Variants in AKT3 observed in about 807,000 individuals in gnomAD.
AKT3 encodes the protein RAC-gamma serine/threonine-protein kinase.
In AKT3, 15 loss-of-function variants were observed where a neutral mutation model predicts 65.3. That is an observed-to-expected ratio of 0.23 (90% confidence interval 0.15 to 0.35). The LOEUF is 0.35. Ranked by LOEUF, AKT3 falls within the 10% of genes least tolerant of loss-of-function variation. AKT3 has a pLI of 1.00. For synonymous variants in AKT3, 206 were observed against 183.8 expected (o/e 1.12, Z -0.98); for missense variants, 243 against 576.5 (o/e 0.42, Z 5.92).
chr1:243,658,016 A>C (rs1681952045), intron 4 of AKT3, among the ~76,000 whole-genome samples: 1 of 152,160 alleles, frequency 6.6e-6, no homozygotes, highest in African/African-American at 2.4e-5. Flanking sequence ...ATGAAACTAC[A>C]AACTCCTAGG....
At chr1:243,617,404 G>A (rs1382899735) in intron 6 of AKT3, among the ~76,000 whole-genome samples, 1 of 151,570 alleles carries the variant, frequency 6.6e-6, no homozygotes, top group African/African-American at 2.4e-5. Context: ...ACTGAACCAA[G>A]TCCATTCACT....
At chr1:243,830,122 T>A (rs539649417) in intron 2 of AKT3, among the ~76,000 whole-genome samples, 51 of 152,288 alleles carry the variant, frequency 3.3e-4, no homozygotes, top group Middle Eastern at 6.8e-3. Flanking sequence ...AGAAATCATC[T>A]GTACTGAACA....
chr1:243,705,473 A>G (rs1685739847), intron 2 of AKT3, among the ~76,000 whole-genome samples: 1 of 152,204 alleles, frequency 6.6e-6, no homozygotes, highest in African/African-American at 2.4e-5. Context: ...TAAATTGACT[A>G]ATCAAATCCT....
intron 8 of AKT3, among the ~76,000 whole-genome samples, chr1:243,597,193 G>A (rs1162392648): frequency 2.6e-5 from 4 of 152,020 alleles, no homozygotes; most frequent in African/African-American, 9.7e-5. Context: ...CTTAAAATGA[G>A]TTCATTTCAT....
intron 5 of AKT3, among the ~76,000 whole-genome samples, chr1:243,644,322 C>A (rs1269592419): frequency 6.6e-6 from 1 of 152,016 alleles, no homozygotes; most frequent in Admixed American, 6.6e-5. Flanking sequence ...GATAATAAAG[C>A]TTGTAAATTC....
chr1:243,611,153 T>C (rs1484885928), intron 8 of AKT3, among the ~76,000 whole-genome samples: 1 of 152,216 alleles, frequency 6.6e-6, no homozygotes, highest in Non-Finnish European at 1.5e-5. Flanking sequence ...ATAATCTTTA[T>C]GGGAATGGCT....
intron 13 of AKT3, among the ~76,000 whole-genome samples, chr1:243,510,764 T>A (rs900332039): frequency 1.3e-5 from 2 of 152,188 alleles, no homozygotes; most frequent in Admixed American, 1.3e-4. Flanking sequence ...TGAGCAAGTT[T>A]GGATTTAGAG....
intron 2 of AKT3, among the ~76,000 whole-genome samples, chr1:243,837,108 G>A (rs1694940746): frequency 6.6e-6 from 1 of 151,990 alleles, no homozygotes; most frequent in South Asian, 2.1e-4. Flanking sequence ...GATCACTTGT[G>A]CCCAGGACGT....
chr1:243,639,945 A>C (rs1334414069), intron 5 of AKT3, among the ~76,000 whole-genome samples: 1 of 152,202 alleles, frequency 6.6e-6, no homozygotes, highest in East Asian at 1.9e-4. Flanking sequence ...AAATGAGAGG[A>C]AAACAATGCA....
In AKT3 at chr1:243,575,673, G is replaced by A. The variant is rs1193940785; in HGVS notation, c.697-2625C>T. ...AGGGATTAATCTGTGCTGGCATCAT[G>A]TAAGGAGACTTGATAGATAAGAAAA... is the stretch of plus-strand genomic sequence containing the variant. On this transcript the variant is annotated intron_variant, in intron 8 of 13. Transcript: ENST00000673466. Among the ~76,000 whole-genome samples, 5 of 152,162 alleles carry A rather than the reference G, an allele frequency of 3.3e-5. No homozygotes were observed. The East Asian group carries it at 9.6e-4, about 29-fold the overall frequency.
intron 6 of AKT3, among the ~76,000 whole-genome samples, chr1:243,635,151 G>C (rs1239331719): frequency 6.6e-6 from 1 of 151,660 alleles, no homozygotes; most frequent in Admixed American, 6.6e-5. Flanking sequence ...AGAATATAAA[G>C]AAAACAAGAA....
chr1:243,839,765 T>C, intron 2 of AKT3, among the ~76,000 whole-genome samples: 1 of 150,386 alleles, frequency 6.6e-6, no homozygotes. Context: ...CATATAGTCT[T>C]ACGAAAAAAG....
intron 9 of AKT3, among the ~76,000 whole-genome samples, chr1:243,568,003 T>C (rs1423287258): frequency 6.6e-6 from 1 of 152,224 alleles, no homozygotes. Flanking sequence ...ACTGTCTTGG[T>C]TCATTTAACA....
At chr1:243,671,758 G>A (rs920275140) in intron 3 of AKT3, among the ~76,000 whole-genome samples, 12 of 152,074 alleles carry the variant, frequency 7.9e-5, no homozygotes, top group African/African-American at 2.9e-4. Flanking sequence ...AACCTAAAAG[G>A]TGTTATTATC....
chr1:243,760,995 T>C (rs1689458250), intron 2 of AKT3, among the ~76,000 whole-genome samples: 1 of 152,158 alleles, frequency 6.6e-6, no homozygotes, highest in Non-Finnish European at 1.5e-5. Context: ...GACCAGAGAC[T>C]TGCAAGAACC....
intron 2 of AKT3, among the ~76,000 whole-genome samples, chr1:243,773,211 T>A (rs563612897): frequency 0.034 from 4,947 of 147,400 alleles, 256 homozygotes; most frequent in African/African-American, 0.11. Flanking sequence ...ATAAAAAATA[T>A]ATATATATAT....
At chr1:243,819,024 G>T (rs1167033425) in intron 2 of AKT3, among the ~76,000 whole-genome samples, 1 of 152,224 alleles carries the variant, frequency 6.6e-6, no homozygotes, top group African/African-American at 2.4e-5. Flanking sequence ...CGTGGGTCAG[G>T]TCAGGATATC....
intron 2 of AKT3, among the ~76,000 whole-genome samples, chr1:243,723,750 C>T (rs1013230353): frequency 4.6e-5 from 7 of 151,946 alleles, no homozygotes; most frequent in Non-Finnish European, 8.8e-5. Flanking sequence ...GATCCTGTCT[C>T]TACAAAAAAT....
In AKT3 at chr1:243,548,934, G is replaced by A. The variant is rs76277497; in HGVS notation, c.1164-3337C>T. On this transcript the variant is annotated intron_variant, in intron 11 of 13. Transcript: ENST00000673466. ...ATAGCTGCGTAGAAAAAATGAAGAG[G>A]TGTATTATAATGCTATCATTACTTA... 7.0e-3 allele frequency among the ~76,000 whole-genome samples: 1,073 copies of A among 152,212 alleles called. 10 individuals are homozygous for A. The highest frequency in any genetic ancestry group is 0.024 in the African/African-American group (1,013 of 41,534).
Sources: gnomAD v4.1 joint callset for allele counts (sites outside exome capture counted in the v4.1 genomes callset) on GRCh38, gnomAD v4.1.1 for gene constraint, MANE v1.5 for transcripts, NCBI Gene and HGNC (gene_info 2026-07-23, HGNC 2026-07-21) for gene names.